The following SPG11 variants were observed in gnomAD, a reference collection of about 807,000 sequenced individuals.
SPG11 encodes SPG11 vesicle trafficking associated, spatacsin.
In SPG11, 222 loss-of-function variants were observed where a neutral mutation model predicts 274.0. The ratio of observed to expected loss-of-function variants is 0.81; its 90% CI spans 0.73 to 0.91. The LOEUF is 0.91. Ranked by LOEUF, SPG11 falls within the 40% of genes least tolerant of loss-of-function variation. The pLI is 0.00. For missense variants in SPG11, 3,114 were observed against 2,872.7 expected, an observed-to-expected ratio of 1.08 and a Z score of -1.92; for synonymous variants, 1,144 against 1,039.7, an observed-to-expected ratio of 1.10 and a Z score of -1.93.
chr15:44,630,569 T>C (rs77314635), intron 8 of SPG11, among the ~76,000 whole-genome samples: 7,136 of 152,178 alleles, frequency 0.047, 433 homozygotes, highest in African/African-American at 0.13. Context: ...CAAAACAAAA[T>C]AGAATGTGTG....
intron 32 of SPG11, 165 bp downstream of exon 32, chr15:44,573,378 TAAAA>T (rs2082464723): frequency 1.4e-6 from 1 of 712,600 alleles, no homozygotes; most frequent in Admixed American, 2.2e-5. Context: ...ATGTATTTTG[TAAAA>T]AATAAAGCAT....
rs773823318 is a variant in SPG11, at chr15:44,583,907, C to T, written c.5773G>A (p.Glu1925Lys). Residue 1925 changes from glutamate to lysine, a missense_variant, in exon 30 of 40, where the codon GAG becomes AAG. Coordinates refer to ENST00000261866, the MANE Select transcript of SPG11 (RefSeq NM_025137.4). ...RALASGEASM[E>K]DLHPEIHALL... ...GCATGGATCTCTGGGTGCAGATCCT[C>T]CATACTAGCTTCCCCTGAGGCCAGT... 8 of 1,614,194 alleles carry T rather than the reference C, an allele frequency of 5.0e-6. No individual in the cohort carries two copies. The South Asian group carries it at 8.8e-5, about 18-fold the overall frequency.
At chr15:44,633,084 G>A (rs962310924) in intron 8 of SPG11, among the ~76,000 whole-genome samples, 4 of 151,706 alleles carry the variant, frequency 2.6e-5, no homozygotes, top group African/African-American at 7.3e-5. Flanking sequence ...GGTGGCTCAC[G>A]CCTGTAATCC....
intron 7 of SPG11, among the ~76,000 whole-genome samples, chr15:44,634,442 T>C (rs1181331104): frequency 1.5e-5 from 2 of 133,956 alleles, no homozygotes; most frequent in South Asian, 5.0e-4. Context: ...ACCCAGCTGA[T>C]TTTTTTTTTT....
chr15:44,564,809 CA>C (rs1161444831), intron 38 of SPG11, 111 bp from the exon 39 acceptor site: 6 of 1,194,126 alleles, frequency 5.0e-6, no homozygotes, highest in Middle Eastern at 2.0e-4. Context: ...TGAATATGAT[CA>C]TTACCAATTA....
At position 44,643,092 on chromosome 15, in the gene SPG11, T is replaced by C. The variant is rs9672946; in HGVS notation, c.1602+5774A>G. ...TAGGAGGAGACCAGGGCCAAAGCAA[T>C]GTTGTATATACAATGCAATACTAAT... On this transcript the variant is annotated intron_variant, in intron 7 of 39. Transcript: ENST00000261866. Among the ~76,000 whole-genome samples the C allele has an allele frequency of 8.6e-3, 1,313 of 152,274 alleles. 21 individuals carry two copies. The highest frequency in any genetic ancestry group is 0.029 in the African/African-American group (1,221 of 41,556).
intron 33 of SPG11, among the ~76,000 whole-genome samples, chr15:44,571,290 C>T (rs187069780): frequency 7.8e-4 from 118 of 152,142 alleles, no homozygotes; most frequent in Admixed American, 1.2e-3. Context: ...TTCAGGCCTT[C>T]GTTTGGACAT....
In SPG11 at chr15:44,622,646, G is replaced by T. The variant is rs553643455; in HGVS notation, c.2316+82C>A. 5.2e-6 allele frequency: 6 copies of T among 1,164,082 alleles called. No individual in the cohort carries two copies. In the South Asian group the frequency reaches 6.3e-5, roughly 12 times the overall value. 72.1% of individuals were successfully genotyped at this position (1,164,082 alleles called of 1,614,324 possible). A position where few individuals can be genotyped will look rare whatever the true frequency, so the allele number is the denominator to read the frequency against. The stretch of plus-strand genomic sequence containing the variant: ...TAGTTGAACATTAAAATTACTTAAG[G>T]TTTTTCTTCCAAGGTTTTCTTCCAA... On this transcript the variant is annotated intron_variant, in intron 12 of 39. Coordinates refer to ENST00000261866, the MANE Select transcript of SPG11 (RefSeq NM_025137.4).
intron 26 of SPG11, among the ~76,000 whole-genome samples, chr15:44,594,377 G>GA (rs1227888011): frequency 6.6e-6 from 1 of 151,910 alleles, no homozygotes; most frequent in Non-Finnish European, 1.5e-5. Context: ...AGTGAGCCGA[G>GA]ATCGTGCCAC....
chr15:44,623,765 C>CA (rs2083819827), intron 11 of SPG11, among the ~76,000 whole-genome samples: 1 of 151,014 alleles, frequency 6.6e-6, no homozygotes, highest in African/African-American at 2.4e-5. Context: ...TTTTCTTTTT[C>CA]TTTTTTTTTG....
intron 11 of SPG11, among the ~76,000 whole-genome samples, chr15:44,624,933 G>C (rs753194420): frequency 5.3e-5 from 8 of 152,022 alleles, no homozygotes; most frequent in Admixed American, 1.3e-4. Context: ...TCAAGAGTTC[G>C]AGACCAGCCT....
At chr15:44,626,256 G>T in intron 11 of SPG11, 75 bp downstream of exon 11, 1 of 1,290,538 alleles carries the variant, frequency 7.7e-7, no homozygotes, top group Non-Finnish European at 1.1e-6. Context: ...AAATAATTAT[G>T]AATACAAACC....
At chr15:44,621,583 T>G (rs2083752116) in intron 14 of SPG11, 176 bp downstream of exon 14, 4 of 647,936 alleles carry the variant, frequency 6.2e-6, no homozygotes, top group Admixed American at 5.4e-5. Context: ...TATAAATCCC[T>G]CCCAGAAACT....
At position 44,583,949 on chromosome 15, in the gene SPG11, C is replaced by G. The variant is rs540894797; in HGVS notation, c.5731G>C (p.Val1911Leu). The G allele has an allele frequency of 1.2e-6, 2 of 1,614,218 alleles. No individual in the cohort carries two copies. The highest frequency in any genetic ancestry group is 1.3e-5 in the African/African-American group (1 of 75,056). ...GAGGCCAGTGCTCTGCAGTGCAATA[C>G]CAAGGCGACATCTGGATTATAAAAA... ...FHFYNPDVAL[V>L]LHCRALASGE... The change falls in exon 30 of 40, where the codon GTA becomes CTA. Residue 1911 changes from valine (V) to leucine (L), a missense_variant. Coordinates refer to ENST00000261866, the MANE Select transcript of SPG11 (RefSeq NM_025137.4).
intron 30 of SPG11, 77 bp downstream of exon 30, chr15:44,583,737 C>G: frequency 1.2e-6 from 2 of 1,600,904 alleles, no homozygotes; most frequent in Non-Finnish European, 1.7e-6. Context: ...TATTCTGCCA[C>G]AAGGGTCCCT....
rs887285275 is a variant in SPG11 at position 44,598,634 on chromosome 15, C to A, written c.3889G>T (p.Val1297Leu). The change falls in exon 22 of 40, where the codon GTA becomes TTA. Residue 1297 changes from valine to leucine, a missense_variant. Coordinates refer to ENST00000261866, the MANE Select transcript of SPG11 (RefSeq NM_025137.4). ...DAQYSFIRES[V>L]AEKLSKLADG... ...GGCCAGATAAAAGGTGCTGTACCTA[C>A]AGACTCTCTGATAAAGCTGTACTGA... 6.2e-6 allele frequency: 10 copies of A among 1,613,944 alleles called. No homozygotes were observed. Among genetic ancestry groups the A allele is most frequent in the Middle Eastern group, 1.7e-4 (1 of 6,038 alleles).
chr15:44,604,927 T>A (rs1246676974), intron 20 of SPG11, among the ~76,000 whole-genome samples: 2 of 75,420 alleles, frequency 2.7e-5, no homozygotes, highest in South Asian at 5.3e-4. Context: ...CAAGACTCCA[T>A]CTCCAAAAAA....
rs193236367 is a variant in SPG11 at position 44,651,456 on chromosome 15, G to A, written c.1456+35C>T. 6.4e-6 allele frequency: 10 copies of A among 1,574,166 alleles called. No homozygotes were observed. The African/African-American group carries it at 1.1e-4, about 17-fold the overall frequency. On this transcript the variant is annotated intron_variant, in intron 6 of 39. Transcript: ENST00000261866. ...ATACAGTAGGAAAGCATACATCTCA[G>A]CAATGGATTTCAATCTAATACAAGA...
intron 15 of SPG11, among the ~76,000 whole-genome samples, chr15:44,618,277 G>A (rs777271931): frequency 4.6e-5 from 7 of 151,844 alleles, no homozygotes; most frequent in Non-Finnish European, 8.8e-5. Context: ...GGGAGGCCAA[G>A]GCAGGCGGAT....
Sources: gnomAD v4.1 joint callset for allele counts (sites outside exome capture counted in the v4.1 genomes callset) on GRCh38, gnomAD v4.1.1 for gene constraint, MANE v1.5 for transcripts, NCBI Gene and HGNC (gene_info 2026-07-23, HGNC 2026-07-21) for gene names.